ZNF676: variants seen among roughly 807,000 people sequenced by gnomAD.
ZNF676 encodes zinc finger protein 676.
Under a neutral mutation model 6.0 loss-of-function variants are expected in ZNF676, and 4 were observed. That is an observed-to-expected ratio of 0.67 (90% CI 0.33 to 1.53). The LOEUF (loss-of-function observed/expected upper bound fraction) is 1.53. Among genes scored for constraint, ZNF676 ranks in the 40% most tolerant of loss-of-function variants. The probability of loss-of-function intolerance (pLI) is 0.06; values close to 1 mark genes in which losing one functional copy is unlikely to be tolerated. For synonymous variants in ZNF676, 198 were observed against 223.1 expected, an observed-to-expected ratio of 0.89 and a Z score of 1.00; for missense variants, 644 against 679.7, an observed-to-expected ratio of 0.95 and a Z score of 0.58.
At chr19:22,247,585 G>A in the ZNF676 span, among the ~76,000 whole-genome samples, 5 of 149,778 alleles carry the variant, frequency 3.3e-5, no homozygotes, top group Admixed American at 2.0e-4. Context: ...AAATTTAGGG[G>A]GTTAGAGGCC....
At chr19:22,239,576 C>T in the ZNF676 span, among the ~76,000 whole-genome samples, 1 of 152,092 alleles carries the variant, frequency 6.6e-6, no homozygotes, top group Non-Finnish European at 1.5e-5. Context: ...GCTTTGTCTG[C>T]GTATTAAAGT....
the ZNF676 span, among the ~76,000 whole-genome samples, chr19:22,232,643 C>G: frequency 2.8e-3 from 431 of 152,180 alleles, 3 homozygotes; most frequent in Admixed American, 5.7e-3. Context: ...ATAAAACATT[C>G]TGCTTGATAG....
At chr19:22,191,277 A>G (rs1480765303) in intron 2 of ZNF676, among the ~76,000 whole-genome samples, 1 of 152,008 alleles carries the variant, frequency 6.6e-6, no homozygotes, top group East Asian at 1.9e-4. Flanking sequence ...AAACTAGAGG[A>G]CCCCTGCTCT....
rs757457501 is a variant in ZNF676, at chr19:22,179,965, A to T, written c.1752T>A (p.Thr584=). The change falls in exon 3 of 3, where the codon ACT becomes ACA. Residue 584 remains threonine (T), a synonymous_variant. Transcript: ENST00000397121. The part of the protein sequence containing the change: ...STVSYHKKIH[T]GENP The stretch of plus-strand genomic sequence containing the variant: ...CTTCACATTTTTAGGGATTCTCTCC[A>T]GTATGAATTTTCTTATGATAACTAA... The T allele has an allele frequency of 6.2e-7, 1 of 1,613,170 alleles. No homozygotes were observed. The highest frequency in any genetic ancestry group is 1.7e-5 in the Admixed American group (1 of 59,928).
intron 2 of ZNF676, among the ~76,000 whole-genome samples, chr19:22,191,597 A>G (rs1444916087): frequency 6.6e-6 from 1 of 152,126 alleles, no homozygotes; most frequent in Admixed American, 6.6e-5. Context: ...AGCCATACTA[A>G]TCCACATCCT....
chr19:22,208,422 T>C (rs1184622370), intron 1 of ZNF676, among the ~76,000 whole-genome samples: 2 of 151,954 alleles, frequency 1.3e-5, no homozygotes, highest in Admixed American at 6.6e-5. Flanking sequence ...CCAGTGAGAA[T>C]GGCAATTATT....
chr19:22,235,072 G>T, the ZNF676 span, among the ~76,000 whole-genome samples: 1 of 141,790 alleles, frequency 7.1e-6, no homozygotes, highest in East Asian at 2.0e-4. Flanking sequence ...GAAGAAGGAA[G>T]TCAGGAAGGC....
chr19:22,189,343 A>G (rs12978734), intron 2 of ZNF676, among the ~76,000 whole-genome samples: 1 of 152,174 alleles, frequency 6.6e-6, no homozygotes, highest in Admixed American at 6.5e-5. Context: ...TACACCTTAT[A>G]CAAAAATTAA....
upstream of ZNF676, among the ~76,000 whole-genome samples, chr19:22,219,608 C>T (rs546601832): frequency 9.2e-5 from 14 of 151,988 alleles, no homozygotes; most frequent in African/African-American, 3.1e-4. Flanking sequence ...CAGAAAAAAT[C>T]CTTTCAACTT....
intron 1 of ZNF676, among the ~76,000 whole-genome samples, chr19:22,206,336 A>T (rs2024076605): frequency 6.6e-6 from 1 of 152,194 alleles, no homozygotes; most frequent in African/African-American, 2.4e-5. Context: ...TAAAACAGAA[A>T]AAGGCAACTT....
chr19:22,259,396 T>C, the ZNF676 span, among the ~76,000 whole-genome samples: 3 of 152,148 alleles, frequency 2.0e-5, no homozygotes, highest in Non-Finnish European at 2.9e-5. Context: ...TCAAGTGATA[T>C]GTCACAATCT....
chr19:22,226,184 A>G, the ZNF676 span, among the ~76,000 whole-genome samples: 1 of 151,894 alleles, frequency 6.6e-6, no homozygotes, highest in African/African-American at 2.4e-5. Context: ...TCTTTTCTCT[A>G]TTGTGTGCTC....
upstream of ZNF676, among the ~76,000 whole-genome samples, chr19:22,219,944 C>T (rs1392351493): frequency 6.6e-6 from 1 of 152,050 alleles, no homozygotes. Context: ...CATGAGCCAC[C>T]ACGCCCAGCC....
the ZNF676 span, among the ~76,000 whole-genome samples, chr19:22,250,026 A>G: frequency 4.4e-4 from 67 of 152,078 alleles, no homozygotes; most frequent in African/African-American, 1.6e-3. Flanking sequence ...TACTAAAAAT[A>G]CAAAAATTAT....
At chr19:22,248,514 GA>G in the ZNF676 span, among the ~76,000 whole-genome samples, 53 of 152,274 alleles carry the variant, frequency 3.5e-4, no homozygotes, top group Non-Finnish European at 6.6e-4. Flanking sequence ...GGGGAAACTT[GA>G]GAGCTAATGA....
chr19:22,185,560 G>A (rs2023826506), intron 2 of ZNF676, among the ~76,000 whole-genome samples: 1 of 150,782 alleles, frequency 6.6e-6, no homozygotes, highest in African/African-American at 2.4e-5. Flanking sequence ...GCAAATTTCA[G>A]AGGTGGGTAA....
chr19:22,209,073 T>G (rs2024104434), intron 1 of ZNF676, among the ~76,000 whole-genome samples: 2 of 152,204 alleles, frequency 1.3e-5, no homozygotes, highest in Non-Finnish European at 1.5e-5. Context: ...AAGACCAGCC[T>G]GGCCAACATG....
upstream of ZNF676, among the ~76,000 whole-genome samples, chr19:22,220,654 G>A (rs932331728): frequency 2.6e-5 from 4 of 151,798 alleles, no homozygotes; most frequent in African/African-American, 9.7e-5. Flanking sequence ...ATGGGGTTTT[G>A]CCATGTTGAT....
intron 1 of ZNF676, among the ~76,000 whole-genome samples, chr19:22,202,796 A>T (rs58106012): frequency 0.032 from 4,852 of 152,298 alleles, 272 homozygotes; most frequent in African/African-American, 0.11. Flanking sequence ...CTAACTGGTT[A>T]TAATCAATGA....
Sources: allele counts gnomAD v4.1 joint callset (sites outside exome capture counted in the v4.1 genomes callset), GRCh38; gene constraint gnomAD v4.1.1; transcripts MANE v1.5; gene names NCBI Gene and HGNC (gene_info 2026-07-23, HGNC 2026-07-21).